Variants in CSNK2A2IP observed in about 807,000 individuals in gnomAD.
The protein encoded by CSNK2A2IP is casein kinase 2 subunit alpha' interacting protein, also known as casein kinase II subunit alpha'-interacting protein.
the CSNK2A2IP span, among the ~76,000 whole-genome samples, chr3:88,360,287 C>T: frequency 6.6e-5 from 10 of 151,910 alleles, no homozygotes; most frequent in Admixed American, 3.9e-4. Flanking sequence ...GCGCCCACCA[C>T]AACGCCCGGC....
chr3:88,428,645 A>G, the CSNK2A2IP span, among the ~76,000 whole-genome samples: 3 of 152,112 alleles, frequency 2.0e-5, no homozygotes, highest in Non-Finnish European at 2.9e-5. Context: ...TAATAAGAGG[A>G]TAAATTATGG....
At chr3:88,467,025 A>G in the CSNK2A2IP span, 1 of 1,166,376 alleles carries the variant, frequency 8.6e-7, no homozygotes, top group Non-Finnish European at 1.1e-6. Flanking sequence ...TAGAGAAGAT[A>G]CAGCAGTTTT....
At chr3:88,437,699 A>G in the CSNK2A2IP span, among the ~76,000 whole-genome samples, 1 of 65,128 alleles carries the variant, frequency 1.5e-5, no homozygotes, top group Non-Finnish European at 5.1e-5. Flanking sequence ...TACTGTCATT[A>G]AGGACTGATT....
the CSNK2A2IP span, among the ~76,000 whole-genome samples, chr3:88,344,556 T>C: frequency 6.6e-6 from 1 of 151,938 alleles, no homozygotes; most frequent in Non-Finnish European, 1.5e-5. Flanking sequence ...ATTGGATAAC[T>C]ATATGGATTT....
the CSNK2A2IP span, among the ~76,000 whole-genome samples, chr3:88,360,788 G>T: frequency 7.3e-5 from 11 of 151,322 alleles, no homozygotes; most frequent in East Asian, 2.2e-3. Context: ...TGTATAAGTG[G>T]ATTTCTCTGG....
At chr3:88,352,405 G>T in the CSNK2A2IP span, among the ~76,000 whole-genome samples, 1 of 151,912 alleles carries the variant, frequency 6.6e-6, no homozygotes, top group Non-Finnish European at 1.5e-5. Context: ...TTGGGAAAAA[G>T]AAATTTATAT....
the CSNK2A2IP span, among the ~76,000 whole-genome samples, chr3:88,354,884 C>T: frequency 2.0e-5 from 3 of 152,044 alleles, no homozygotes; most frequent in South Asian, 2.1e-4. Flanking sequence ...CTCTTGATGT[C>T]AAGGCTAGGA....
At chr3:88,461,911 G>T in the CSNK2A2IP span, among the ~76,000 whole-genome samples, 3 of 151,144 alleles carry the variant, frequency 2.0e-5, no homozygotes, top group African/African-American at 4.9e-5. Flanking sequence ...CAGCTAATTT[G>T]TTTTTTTTGT....
chr3:88,461,973 A>G, the CSNK2A2IP span, among the ~76,000 whole-genome samples: 1 of 151,856 alleles, frequency 6.6e-6, no homozygotes, highest in Non-Finnish European at 1.5e-5. Context: ...GATTTTAATG[A>G]AGCCGAGGTT....
chr3:88,447,384 A>G, the CSNK2A2IP span, among the ~76,000 whole-genome samples: 11 of 152,260 alleles, frequency 7.2e-5, no homozygotes, highest in Non-Finnish European at 5.9e-5. Context: ...TTGTTTTAAT[A>G]ATTTACTGAA....
chr3:88,428,003 G>T, the CSNK2A2IP span, among the ~76,000 whole-genome samples: 1 of 152,120 alleles, frequency 6.6e-6, no homozygotes, highest in Non-Finnish European at 1.5e-5. Flanking sequence ...GACACTCACT[G>T]CCAGCCTGTA....
chr3:88,390,856 A>G, the CSNK2A2IP span, among the ~76,000 whole-genome samples: 2 of 152,208 alleles, frequency 1.3e-5, no homozygotes, highest in African/African-American at 4.8e-5. Context: ...AAGAAATCTG[A>G]TGACTATATT....
chr3:88,399,143 T>C, the CSNK2A2IP span, among the ~76,000 whole-genome samples: 1 of 152,270 alleles, frequency 6.6e-6, no homozygotes, highest in South Asian at 2.1e-4. Flanking sequence ...TTTTGAGGGA[T>C]GCATTCCTCA....
the CSNK2A2IP span, chr3:88,466,444 C>T: frequency 3.2e-6 from 4 of 1,231,836 alleles, no homozygotes; most frequent in Middle Eastern, 3.1e-4. Flanking sequence ...ACCATCACCC[C>T]ATCCAAAAAC....
chr3:88,344,168 A>G, the CSNK2A2IP span, among the ~76,000 whole-genome samples: 33 of 152,052 alleles, frequency 2.2e-4, no homozygotes, highest in African/African-American at 7.2e-4. Flanking sequence ...CAGAGTAGCA[A>G]GCTGTTAACT....
the CSNK2A2IP span, among the ~76,000 whole-genome samples, chr3:88,412,960 A>C: frequency 3.3e-5 from 5 of 152,166 alleles, no homozygotes; most frequent in South Asian, 4.1e-4. Flanking sequence ...TTTTTCAGCC[A>C]CACACATGAT....
chr3:88,365,159 C>A, the CSNK2A2IP span, among the ~76,000 whole-genome samples: 8 of 152,152 alleles, frequency 5.3e-5, no homozygotes, highest in East Asian at 1.4e-3. Flanking sequence ...AGAAATAGAT[C>A]AAAATATACA....
At chr3:88,407,915 G>C in the CSNK2A2IP span, among the ~76,000 whole-genome samples, 1 of 151,898 alleles carries the variant, frequency 6.6e-6, no homozygotes. Flanking sequence ...ATAGAGACGG[G>C]TTTCACCATG....
At chr3:88,374,485 A>C in the CSNK2A2IP span, among the ~76,000 whole-genome samples, 1 of 151,420 alleles carries the variant, frequency 6.6e-6, no homozygotes, top group Admixed American at 6.6e-5. Context: ...TGTAGATGGA[A>C]GAGTAAATAC....
Sources: gnomAD v4.1 joint callset for allele counts (sites outside exome capture counted in the v4.1 genomes callset) on GRCh38, gnomAD v4.1.1 for gene constraint, MANE v1.5 for transcripts, NCBI Gene and HGNC (gene_info 2026-07-23, HGNC 2026-07-21) for gene names.